The following STK33 variants were observed in gnomAD, a reference collection of about 807,000 sequenced individuals.
STK33 encodes serine/threonine-protein kinase 33.
Under a neutral mutation model 58.0 loss-of-function variants are expected in STK33, and 52 were observed. The observed-to-expected ratio is 0.90, with a 90% confidence interval of 0.72 to 1.13. The LOEUF (loss-of-function observed/expected upper bound fraction) is 1.13. Among genes scored for constraint, STK33 ranks in the 50% most tolerant of loss-of-function variants. The pLI is 0.00. For missense variants in STK33, 630 were observed against 604.2 expected (o/e 1.04, Z -0.45); for synonymous variants, 215 against 200.1 (o/e 1.07, Z -0.63).
At chr11:8,560,378 T>A (rs1957039760) in intron 1 of STK33, among the ~76,000 whole-genome samples, 1 of 152,310 alleles carries the variant, frequency 6.6e-6, no homozygotes, top group East Asian at 1.9e-4. Flanking sequence ...AAATTTTTTT[T>A]CTGTAAAATA....
intron 1 of STK33, among the ~76,000 whole-genome samples, chr11:8,519,569 T>A: frequency 6.6e-6 from 1 of 151,826 alleles, no homozygotes; most frequent in Non-Finnish European, 1.5e-5. Flanking sequence ...ATTTTGGAAA[T>A]GATAAACAAA....
chr11:8,391,085 T>C (rs1848614880), downstream of STK33, among the ~76,000 whole-genome samples: 1 of 152,048 alleles, frequency 6.6e-6, no homozygotes, highest in Non-Finnish European at 1.5e-5. Context: ...TTGAGACTAC[T>C]AGGGAAGGGA....
intron 7 of STK33, among the ~76,000 whole-genome samples, chr11:8,463,934 A>T (rs1654568353): frequency 6.6e-6 from 1 of 152,212 alleles, no homozygotes; most frequent in African/African-American, 2.4e-5. Flanking sequence ...CTTTACTAAG[A>T]TTGATATGTT....
At chr11:8,377,300 C>T in the STK33 span, among the ~76,000 whole-genome samples, 86,392 of 152,134 alleles carry the variant, frequency 0.57, 25,690 homozygotes, top group East Asian at 0.76. Flanking sequence ...AATAAATCCC[C>T]CCTAAAAACT....
At position 8,397,488 on chromosome 11, in the gene STK33, T is replaced by C. The variant is rs535865370; in HGVS notation, c.1345-4778A>G. Among the ~76,000 whole-genome samples, 393 of 151,870 alleles carry C rather than the reference T, an allele frequency of 2.6e-3. 2 individuals carry two copies. Among genetic ancestry groups the C allele is most frequent in the Non-Finnish European group, 4.2e-3 (287 of 67,936 alleles). ...CATCACCATCATCAAAGACCAAAGG[T>C]AGATAAAACCACAAAGATGGGGAAA... is the stretch of plus-strand genomic sequence containing the variant. On this transcript the variant is annotated intron_variant, in intron 15 of 15. Coordinates refer to ENST00000687296, the MANE Select transcript of STK33 (RefSeq NM_001352389.2).
chr11:8,532,025 A>G (rs180742095), intron 1 of STK33, among the ~76,000 whole-genome samples: 2 of 152,360 alleles, frequency 1.3e-5, no homozygotes, highest in Admixed American at 1.3e-4. Flanking sequence ...GCTGGGGTAT[A>G]TGAAACTTTT....
At chr11:8,490,537 C>T (rs780608306) in intron 1 of STK33, among the ~76,000 whole-genome samples, 10 of 152,186 alleles carry the variant, frequency 6.6e-5, no homozygotes, top group South Asian at 2.1e-4. Context: ...ACTTAAACGT[C>T]CCCGTCTCAC....
chr11:8,536,733 G>A (rs1955028652), intron 1 of STK33, among the ~76,000 whole-genome samples: 1 of 151,812 alleles, frequency 6.6e-6, no homozygotes, highest in Non-Finnish European at 1.5e-5. Context: ...TTTCTATGCT[G>A]AAATGTCCCT....
chr11:8,544,729 T>C (rs1380997783), intron 1 of STK33, among the ~76,000 whole-genome samples: 1 of 152,110 alleles, frequency 6.6e-6, no homozygotes, highest in African/African-American at 2.4e-5. Flanking sequence ...GGGAAAACAA[T>C]ATAACTAAAA....
At chr11:8,537,200 G>A (rs191723803) in intron 1 of STK33, among the ~76,000 whole-genome samples, 10 of 151,430 alleles carry the variant, frequency 6.6e-5, no homozygotes, top group South Asian at 6.3e-4. Flanking sequence ...GGCTGGTCTC[G>A]AACTCCTGAC....
At chr11:8,555,051 T>C (rs1956637361) in intron 1 of STK33, 1 of 152,110 alleles carries the variant, frequency 6.6e-6, no homozygotes, top group African/African-American at 2.4e-5. Context: ...GGATCTTTTT[T>C]CTCTTCAGCC....
chr11:8,554,709 A>C (rs1423461702), intron 1 of STK33, among the ~76,000 whole-genome samples: 1 of 152,134 alleles, frequency 6.6e-6, no homozygotes, highest in African/African-American at 2.4e-5. Context: ...TTCCTCAAAA[A>C]AACTAAAAAC....
intron 1 of STK33, among the ~76,000 whole-genome samples, chr11:8,500,281 A>T (rs1490604338): frequency 1.3e-5 from 2 of 152,032 alleles, no homozygotes; most frequent in Non-Finnish European, 2.9e-5. Context: ...TTGCAAAGTG[A>T]CATGATCCTG....
chr11:8,419,306 C>A (rs995558625), intron 14 of STK33, among the ~76,000 whole-genome samples: 6 of 152,118 alleles, frequency 3.9e-5, no homozygotes, highest in African/African-American at 1.4e-4. Context: ...ATATGGCTAG[C>A]CAGTTATCCC....
chr11:8,371,189 G>A, the STK33 span, among the ~76,000 whole-genome samples: 1 of 152,194 alleles, frequency 6.6e-6, no homozygotes. Flanking sequence ...TCTTTGCAAG[G>A]TGAAACTAGT....
chr11:8,375,738 C>T, the STK33 span, among the ~76,000 whole-genome samples: 1 of 152,140 alleles, frequency 6.6e-6, no homozygotes, highest in Non-Finnish European at 1.5e-5. Flanking sequence ...GCTCTTACCC[C>T]TTCACTTGGC....
chr11:8,444,876 A>G (rs1451261819), intron 11 of STK33, among the ~76,000 whole-genome samples: 2 of 151,932 alleles, frequency 1.3e-5, no homozygotes, highest in Non-Finnish European at 2.9e-5. Context: ...TAAAAGGTTC[A>G]TTTTTTGGTT....
intron 12 of STK33, among the ~76,000 whole-genome samples, chr11:8,439,869 T>TTATATATATATA (rs551629890): frequency 0.02 from 2,176 of 107,212 alleles, 121 homozygotes; most frequent in Non-Finnish European, 0.03. Flanking sequence ...TATATTATAA[T>TTATATATATATA]TATATATATA....
intron 1 of STK33, among the ~76,000 whole-genome samples, chr11:8,525,960 T>A (rs1414576540): frequency 6.6e-6 from 1 of 152,152 alleles, no homozygotes; most frequent in Non-Finnish European, 1.5e-5. Flanking sequence ...AGTGCTAATC[T>A]CATTAGCAGT....
Sources: gnomAD v4.1 joint callset for allele counts (sites outside exome capture counted in the v4.1 genomes callset) on GRCh38, gnomAD v4.1.1 for gene constraint, MANE v1.5 for transcripts, NCBI Gene and HGNC (gene_info 2026-07-23, HGNC 2026-07-21) for gene names.